PTPRK: variants seen among roughly 807,000 people sequenced by gnomAD.
The protein encoded by PTPRK is receptor-type tyrosine-protein phosphatase kappa.
Under a neutral mutation model 178.0 loss-of-function variants are expected in PTPRK, and 75 were observed. That is an observed-to-expected ratio of 0.42 (90% CI 0.35 to 0.51). The LOEUF is 0.51. PTPRK is among the 20% of genes least tolerant of loss of function. The probability of loss-of-function intolerance (pLI) is 0.02; values close to 1 mark genes in which losing one functional copy is unlikely to be tolerated. For missense variants in PTPRK, 1,441 were observed against 1,797.8 expected (o/e 0.80, Z 3.59); for synonymous variants, 637 against 620.6 (o/e 1.03, Z -0.39).
chr6:128,290,388 G>C (rs61610310), intron 3 of PTPRK, among the ~76,000 whole-genome samples: 1,838 of 152,134 alleles, frequency 0.012, 40 homozygotes, highest in African/African-American at 0.042. Context: ...CTATAGCACT[G>C]GTTCTCAAAC....
At chr6:128,472,694 A>G in intron 1 of PTPRK, 1 of 354,976 alleles carries the variant, frequency 2.8e-6, no homozygotes, top group Non-Finnish European at 5.5e-6. Context: ...TATTTCAATA[A>G]TATATATTTC....
At chr6:128,510,628 T>C (rs1325226541) in intron 1 of PTPRK, among the ~76,000 whole-genome samples, 6 of 152,182 alleles carry the variant, frequency 3.9e-5, no homozygotes, top group African/African-American at 9.6e-5. Flanking sequence ...CAAACACCTA[T>C]ACATGCATAC....
At chr6:128,412,261 C>T (rs958632437) in intron 1 of PTPRK, among the ~76,000 whole-genome samples, 1 of 152,190 alleles carries the variant, frequency 6.6e-6, no homozygotes, top group African/African-American at 2.4e-5. Context: ...ATGTTCTAAG[C>T]AATCTGAACA....
intron 1 of PTPRK, among the ~76,000 whole-genome samples, chr6:128,498,210 G>A (rs1193849838): frequency 1.3e-5 from 2 of 152,032 alleles, no homozygotes; most frequent in Non-Finnish European, 2.9e-5. Context: ...TCCAAACTAC[G>A]GACAGTTTCC....
chr6:128,178,139 T>C (rs75274348), intron 7 of PTPRK, among the ~76,000 whole-genome samples: 2,808 of 152,000 alleles, frequency 0.018, 82 homozygotes, highest in African/African-American at 0.063. Context: ...GAAAAATTAA[T>C]AGTGTTTGGG....
chr6:128,207,290 G>A (rs1335891203), intron 6 of PTPRK, among the ~76,000 whole-genome samples: 1 of 151,962 alleles, frequency 6.6e-6, no homozygotes, highest in East Asian at 1.9e-4. Flanking sequence ...CCCTCTCCCC[G>A]CTACAAAATC....
chr6:128,401,146 A>G (rs942901106), intron 1 of PTPRK, among the ~76,000 whole-genome samples: 1 of 152,182 alleles, frequency 6.6e-6, no homozygotes, highest in Non-Finnish European at 1.5e-5. Context: ...CAGATCTATC[A>G]CCGAAATGGT....
At position 128,125,712 on chromosome 6, in the gene PTPRK, C is replaced by T. The variant is rs569779729; in HGVS notation, c.1163-35720G>A. ...GCAACCCCCGCCTCCCAGGTTCAAG[C>T]AATTCTTCTGCCTCGGCCTCCTGAG... is the stretch of plus-strand genomic sequence containing the variant. On this transcript the variant is annotated intron_variant, in intron 7 of 29. Coordinates refer to ENST00000368226, the MANE Select transcript of PTPRK (RefSeq NM_002844.4). 6.1e-5 allele frequency among the ~76,000 whole-genome samples: 9 copies of T among 146,552 alleles called. 1 individual carries two copies. In the East Asian group the frequency reaches 1.4e-3, roughly 23 times the overall value.
intron 2 of PTPRK, among the ~76,000 whole-genome samples, chr6:128,372,684 T>C (rs1490931422): frequency 1.3e-5 from 2 of 152,120 alleles, no homozygotes; most frequent in African/African-American, 2.4e-5. Context: ...TTTCATTATG[T>C]TGTATTTTAA....
At chr6:128,370,089 C>T in intron 2 of PTPRK, among the ~76,000 whole-genome samples, 1 of 152,068 alleles carries the variant, frequency 6.6e-6, no homozygotes, top group East Asian at 1.9e-4. Flanking sequence ...TTAGAGTTTA[C>T]AGAAAGGACA....
At chr6:128,465,452 G>A (rs559791468) in intron 1 of PTPRK, among the ~76,000 whole-genome samples, 2 of 152,014 alleles carry the variant, frequency 1.3e-5, no homozygotes, top group South Asian at 4.2e-4. Context: ...ATTCCTTAGG[G>A]TTCTAAGTAC....
chr6:128,276,692 C>G (rs1025610212), intron 3 of PTPRK, among the ~76,000 whole-genome samples: 1 of 151,960 alleles, frequency 6.6e-6, no homozygotes, highest in African/African-American at 2.4e-5. Context: ...GTAGATCTGG[C>G]TTGATTTGGG....
intron 6 of PTPRK, among the ~76,000 whole-genome samples, chr6:128,193,212 G>C (rs1346186273): frequency 8.9e-6 from 1 of 112,414 alleles, no homozygotes. Context: ...TAGTTGACTG[G>C]AACAAAAGAA....
chr6:128,468,306 CAT>C (rs1443024809), intron 1 of PTPRK, among the ~76,000 whole-genome samples: 1 of 152,148 alleles, frequency 6.6e-6, no homozygotes, highest in African/African-American at 2.4e-5. Context: ...AACATGTATG[CAT>C]ATACACACAC....
In PTPRK at chr6:128,237,418, AT is replaced by A. The variant is rs530261235; in HGVS notation, c.693+2616del. On this transcript the variant is annotated intron_variant, in intron 5 of 29. Transcript: ENST00000368226. ...AGTACTAGCAGCAGATATTTTGAGCATTTGTTCTCACAATGATACTTAAAGG... is the reference window on the plus strand; with the variant it reads ...AGTACTAGCAGCAGATATTTTGAGCATTGTTCTCACAATGATACTTAAAGG... 2.8e-3 allele frequency among the ~76,000 whole-genome samples: 424 copies of A among 152,306 alleles called. 3 individuals carry two copies. Among genetic ancestry groups the A allele is most frequent in the African/African-American group, 9.1e-3 (378 of 41,570 alleles).
chr6:128,236,115 CT>C (rs1378751351), intron 5 of PTPRK, among the ~76,000 whole-genome samples: 1 of 151,916 alleles, frequency 6.6e-6, no homozygotes, highest in Non-Finnish European at 1.5e-5. Context: ...ATCCACTGGG[CT>C]TTTTGGAATG....
intron 1 of PTPRK, among the ~76,000 whole-genome samples, chr6:128,447,918 G>A (rs1429599482): frequency 1.3e-5 from 2 of 152,044 alleles, no homozygotes; most frequent in African/African-American, 2.4e-5. Flanking sequence ...CACCGCGCCC[G>A]GCCCATTCTT....
rs543605591 is a variant in PTPRK at position 127,984,290 on chromosome 6, C to T, written c.3252-913G>A. Among the ~76,000 whole-genome samples, 3 of 152,210 alleles carry T rather than the reference C, an allele frequency of 2.0e-5. No homozygotes were observed. In the South Asian group the frequency reaches 6.2e-4, roughly 32 times the overall value. On this transcript the variant is annotated intron_variant, in intron 22 of 29. Coordinates refer to ENST00000368226, the MANE Select transcript of PTPRK (RefSeq NM_002844.4). ...TCTCAAACTAAACATTATCATTTAC[C>T]AGACTCATCCTACAGTGGTACAGAA...
chr6:128,285,489 T>C (rs1242712513), intron 3 of PTPRK, among the ~76,000 whole-genome samples: 1 of 142,488 alleles, frequency 7.0e-6, no homozygotes, highest in Admixed American at 7.4e-5. Flanking sequence ...CACTCCAGTC[T>C]GGGTGACAGA....
Sources: allele counts gnomAD v4.1 joint callset (sites outside exome capture counted in the v4.1 genomes callset), GRCh38; gene constraint gnomAD v4.1.1; transcripts MANE v1.5; gene names NCBI Gene and HGNC (gene_info 2026-07-23, HGNC 2026-07-21).